The following LLGL2 variants were observed in gnomAD, a reference collection of about 807,000 sequenced individuals.
LLGL2 encodes the protein LLGL2, scribble cell polarity complex component.
LLGL2 carries 81 observed loss-of-function variants against 123.2 expected under a neutral mutation model. That is an observed-to-expected ratio of 0.66 (90% CI 0.55 to 0.79). LLGL2 has a LOEUF of 0.79. LLGL2 is among the 30% of genes least tolerant of loss of function. LLGL2 has a pLI of 0.00. For missense variants in LLGL2, 1,273 were observed against 1,414.6 expected (o/e 0.90, Z 1.61); for synonymous variants, 577 against 594.1 (o/e 0.97, Z 0.42).
intron 1 of LLGL2, among the ~76,000 whole-genome samples, chr17:75,534,777 G>A (rs928447218): frequency 2.6e-5 from 4 of 152,242 alleles, no homozygotes; most frequent in Non-Finnish European, 5.9e-5. Flanking sequence ...CACTGAGCTT[G>A]GCAAAGGACT....
chr17:75,570,172 C>A lies in LLGL2; in HGVS notation c.1791C>A (p.His597Gln). Residue 597 changes from histidine (H) to glutamine (Q), a missense_variant, in exon 15 of 26, where the codon CAC becomes CAA. His to Gln is a conservative substitution (Grantham distance 24). Coordinates refer to ENST00000392550, the MANE Select transcript of LLGL2 (RefSeq NM_001031803.2). ...PPAVVTSLAL[H>Q]SEWRLVAFGT... ...CTGTGGTCACCTCCTTGGCCCTGCA[C>A]TCTGAGTGGCGGCTCGTGGCCTTCG... 1 of 1,596,274 alleles carries A rather than the reference C, an allele frequency of 6.3e-7. No individual in the cohort carries two copies. The highest frequency in any genetic ancestry group is 1.3e-5 in the African/African-American group (1 of 74,840).
In LLGL2 at chr17:75,570,237, G is replaced by T. The variant is rs143998947; in HGVS notation, c.1856G>T (p.Arg619Leu). 1,001 of 1,601,366 alleles carry T rather than the reference G, an allele frequency of 6.3e-4. 4 individuals carry two copies. In the Middle Eastern group the frequency reaches 0.013, roughly 22 times the overall value. ...HGFGLFDHQQ[R>L]RQVFVKCTLH... ...TTTGGCCTCTTTGACCACCAGCAGC[G>T]GCGGCAGGTCTTTGTTAAGTGAGCA... Residue 619 changes from arginine (R) to leucine (L), a missense_variant, in exon 15 of 26, where the codon CGG (arginine) becomes CTG (leucine). By Grantham distance (102) the Arg-to-Leu change is moderately radical (BLOSUM62 -2). Transcript: ENST00000392550.
chr17:75,569,120 C>T lies in LLGL2; in HGVS notation c.1465C>T (p.Pro489Ser), dbSNP rs773677899. The T allele has an allele frequency of 1.2e-6, 2 of 1,613,420 alleles. No homozygotes were observed. The highest frequency in any genetic ancestry group is 1.7e-6 in the Non-Finnish European group (2 of 1,179,900). Residue 489 changes from proline to serine, a missense_variant, in exon 13 of 26, where the codon CCA becomes TCA. Pro to Ser is a moderately conservative substitution (Grantham distance 74). Coordinates refer to ENST00000392550, the MANE Select transcript of LLGL2 (RefSeq NM_001031803.2). ...FSAQGEDEWP[P>S]LRKVGSFDPY... ...TGCCCAGGGCGAGGACGAGTGGCCC[C>T]CACTCCGCAAGGTGAGGCCAGGAGC...
In LLGL2 at chr17:75,538,365, A is replaced by G. The variant is rs184703409; in HGVS notation, c.-30-5032A>G. On this transcript the variant is annotated intron_variant, in intron 1 of 25. Transcript: ENST00000392550. ...CACAGATCTCTGCATTGGGCCCCCC[A>G]CTTGTCTTCATCCTGAAACATAGAA... Among the ~76,000 whole-genome samples the G allele has an allele frequency of 9.9e-4, 151 of 152,176 alleles. 2 individuals are homozygous for G. Among genetic ancestry groups the G allele is most frequent in the Admixed American group, 9.2e-3 (141 of 15,278 alleles).
At position 75,571,799 on chromosome 17, in the gene LLGL2, G is replaced by C. The variant is rs367706425; in HGVS notation, c.2293+16G>C. 6.2e-7 allele frequency: 1 copy of C among 1,604,488 alleles called. No homozygotes were observed. The highest frequency in any genetic ancestry group is 1.1e-5 in the South Asian group (1 of 91,014). On this transcript the variant is annotated intron_variant, in intron 18 of 25. Coordinates refer to ENST00000392550, the MANE Select transcript of LLGL2 (RefSeq NM_001031803.2). ...GCAGAGCAGGGTGAGTGCTGGGCAG[G>C]GAGAGCAGAGGGTGCTCGGGCTGCC...
chr17:75,529,947 C>A (rs2053716931), intron 1 of LLGL2, among the ~76,000 whole-genome samples: 1 of 152,148 alleles, frequency 6.6e-6, no homozygotes, highest in Non-Finnish European at 1.5e-5. Flanking sequence ...TTTGCCGAGT[C>A]CTTGCTGTGT....
chr17:75,532,849 C>T (rs1355558330), intron 1 of LLGL2, among the ~76,000 whole-genome samples: 1 of 152,210 alleles, frequency 6.6e-6, no homozygotes, highest in African/African-American at 2.4e-5. Flanking sequence ...TCCACAGGGC[C>T]CTGGCCTTGG....
At chr17:75,533,208 C>T (rs1407635072) in intron 1 of LLGL2, among the ~76,000 whole-genome samples, 1 of 151,324 alleles carries the variant, frequency 6.6e-6, no homozygotes, top group East Asian at 1.9e-4. Context: ...ACCGTGTTAG[C>T]CAGGATGGTC....
In LLGL2 at chr17:75,563,037, C is replaced by T. The variant is rs756732152; in HGVS notation, c.552C>T (p.His184=). 2 of 1,612,584 alleles carry T rather than the reference C, an allele frequency of 1.2e-6. No homozygotes were observed. Among genetic ancestry groups the T allele is most frequent in the Non-Finnish European group, 1.7e-6 (2 of 1,180,014 alleles). ...VLQRLPEEAR[H]RRVFEMVEAL... ...CCAGGTTGCCAGAGGAGGCCCGCCA[C>T]CGGCGTGTGTTCGAGATGGTGGAGG... Residue 184 remains histidine, a synonymous_variant, in exon 7 of 26, where the codon CAC becomes CAT. Transcript: ENST00000392550.
At chr17:75,546,590 G>A (rs62088549) in intron 2 of LLGL2, among the ~76,000 whole-genome samples, 15,510 of 43,232 alleles carry the variant, frequency 0.36, 2,490 homozygotes, top group South Asian at 0.49. Context: ...CAGCAGACAG[G>A]CGGAGGGCAG....
chr17:75,564,156 T>C lies in LLGL2; in HGVS notation c.882-197T>C, dbSNP rs1366441956. Among the ~76,000 whole-genome samples the C allele has an allele frequency of 1.3e-5, 2 of 152,218 alleles. No individual in the cohort carries two copies. The highest frequency in any genetic ancestry group is 2.9e-5 in the Non-Finnish European group (2 of 68,034). On this transcript the variant is annotated intron_variant, in intron 9 of 25. Coordinates refer to ENST00000392550, the MANE Select transcript of LLGL2 (RefSeq NM_001031803.2). The surrounding 1 kb of genome is among the most constrained non-coding windows in gnomAD (Gnocchi z 4.9). ...CCCAGCATGAGGCAGGAGTGGCTGC[T>C]GAGACTCAGAGCCCCCAGCCTGGAT...
In LLGL2 at chr17:75,569,075, G is replaced by A. The variant is rs1335022278; in HGVS notation, c.1420G>A (p.Asp474Asn). Reference sequence around the variant, plus strand: ...TGTGCGCGTGTTCCTCACCGACACGGACCCCAACGAGAACTTCAGTGCCCA... The same window carrying A: ...TGTGCGCGTGTTCCTCACCGACACGAACCCCAACGAGAACTTCAGTGCCCA... ...STVRVFLTDT[D>N]PNENFSAQGE... Residue 474 changes from aspartate (D) to asparagine (N), a missense_variant, in exon 13 of 26, where the codon GAC becomes AAC. Transcript: ENST00000392550. 1 of 1,613,158 alleles carries A rather than the reference G, an allele frequency of 6.2e-7. No individual in the cohort carries two copies. Among genetic ancestry groups the A allele is most frequent in the South Asian group, 1.1e-5 (1 of 90,958 alleles).
In LLGL2 at chr17:75,570,506, C is replaced by CTGAGG; in HGVS notation, c.2025+14_2025+18dup. ...GCTGGCCCCCCAGGAGAGGTGAGGC[C>CTGAGG]TGAGGTGAGGCTGCGGCCGGCCACG... On this transcript the variant is annotated intron_variant, in intron 16 of 25. Transcript: ENST00000392550. 1 of 1,565,824 alleles carries CTGAGG rather than the reference C, an allele frequency of 6.4e-7. No homozygotes were observed. The highest frequency in any genetic ancestry group is 8.6e-7 in the Non-Finnish European group (1 of 1,156,652).
At chr17:75,546,831 CG>C (rs1233722413) in intron 2 of LLGL2, among the ~76,000 whole-genome samples, 3 of 145,464 alleles carry the variant, frequency 2.1e-5, no homozygotes, top group Non-Finnish European at 3.0e-5. Context: ...AGCAGACAGG[CG>C]GAGGGCAGGT....
chr17:75,551,900 G>A (rs1013740459), intron 2 of LLGL2, among the ~76,000 whole-genome samples: 3 of 152,218 alleles, frequency 2.0e-5, no homozygotes, highest in African/African-American at 4.8e-5. Context: ...AGGTCAAGGC[G>A]AGGAGATCAC....
chr17:75,551,938 G>A (rs2054694011), intron 2 of LLGL2, among the ~76,000 whole-genome samples: 1 of 152,164 alleles, frequency 6.6e-6, no homozygotes, highest in African/African-American at 2.4e-5. Flanking sequence ...AGACCAGCCT[G>A]GCCAACATGG....
rs763984358 is a variant in LLGL2 at position 75,563,361 on chromosome 17, G to A, written c.724G>A (p.Gly242Ser). ...QLENIWWQRD[G>S]RLLVSCHSDG... ...GGAGAACATCTGGTGGCAGCGGGAC[G>A]GCCGCCTGCTCGTCAGCTGTCACTC... Residue 242 changes from glycine (G) to serine (S), a missense_variant, in exon 8 of 26, where the codon GGC becomes AGC. By Grantham distance (56) the Gly-to-Ser change is moderately conservative. Transcript: ENST00000392550. 52 of 1,612,690 alleles carry A rather than the reference G, an allele frequency of 3.2e-5. 1 individual carries two copies. The East Asian group carries it at 9.8e-4, about 30-fold the overall frequency.
chr17:75,536,734 C>T (rs1484082099), intron 1 of LLGL2, among the ~76,000 whole-genome samples: 1 of 152,214 alleles, frequency 6.6e-6, no homozygotes, highest in East Asian at 1.9e-4. Flanking sequence ...AGTACATTGT[C>T]AAATATAGGG....
At chr17:75,535,274 A>G (rs1433422927) in intron 1 of LLGL2, among the ~76,000 whole-genome samples, 2 of 152,256 alleles carry the variant, frequency 1.3e-5, no homozygotes, top group African/African-American at 4.8e-5. Flanking sequence ...AGGATGTCGC[A>G]GAGGGGAAGG....
Sources: allele counts gnomAD v4.1 joint callset (sites outside exome capture counted in the v4.1 genomes callset), GRCh38; gene constraint gnomAD v4.1.1; non-coding constraint Gnocchi (gnomAD v3.1); transcripts MANE v1.5; gene names NCBI Gene and HGNC (gene_info 2026-07-23, HGNC 2026-07-21).